Variants in NOL4L observed in about 807,000 individuals in gnomAD.
The protein encoded by NOL4L is nucleolar protein 4 like.
NOL4L carries 7 observed loss-of-function variants against 64.5 expected under a neutral mutation model. That is an observed-to-expected ratio of 0.11 (90% CI 0.06 to 0.20). NOL4L has a LOEUF of 0.20. NOL4L is among the 10% of genes least tolerant of loss of function. NOL4L has a pLI of 1.00. For missense variants in NOL4L, 680 were observed against 967.1 expected (o/e 0.70, Z 3.94); for synonymous variants, 413 against 401.0 (o/e 1.03, Z -0.36).
chr20:32,466,853 T>C (rs1317800045), intron 5 of NOL4L, among the ~76,000 whole-genome samples: 2 of 152,108 alleles, frequency 1.3e-5, no homozygotes, highest in Admixed American at 1.3e-4. Flanking sequence ...CCTCCTGCCA[T>C]GCAATACTGA....
At position 32,485,848 on chromosome 20, in the gene NOL4L, C is replaced by T. The variant is rs116557064; in HGVS notation, c.700-11106G>A. 1,986 of 449,518 alleles carry T rather than the reference C, an allele frequency of 4.4e-3. 39 individuals are homozygous for T. The highest frequency in any genetic ancestry group is 0.036 in the African/African-American group (1,777 of 49,344). 27.8% of individuals were successfully genotyped at this position (449,518 alleles called of 1,614,324 possible). On this transcript the variant is annotated intron_variant, in intron 4 of 10. Coordinates refer to ENST00000621426, the MANE Select transcript of NOL4L (RefSeq NM_001256798.2). ...CTTTGACTTCTCCTGGCCTGAATTA[C>T]TATTTCACAGCAGTGGTGGACATCT... is the stretch of plus-strand genomic sequence containing the variant.
At position 32,464,820 on chromosome 20, in the gene NOL4L, A is replaced by T. The variant is rs1278086167; in HGVS notation, c.842-8425T>A. On this transcript the variant is annotated intron_variant, in intron 5 of 10. Coordinates refer to ENST00000621426, the MANE Select transcript of NOL4L (RefSeq NM_001256798.2). This position sits in a 1 kb window ranked among gnomAD's most constrained non-coding sequence, Gnocchi z 5.6. The stretch of plus-strand genomic sequence containing the variant: ...TACTTTATTTAACCCAATATATCCA[A>T]AATAGTACCATTTCAACAAATAATT... 1 of 412,102 alleles carries T rather than the reference A, an allele frequency of 2.4e-6. No homozygotes were observed. Among genetic ancestry groups the T allele is most frequent in the African/African-American group, 2.1e-5 (1 of 48,672 alleles). 25.5% of individuals were successfully genotyped at this position (412,102 alleles called of 1,614,324 possible). A position where few individuals can be genotyped will look rare whatever the true frequency, so the allele number is the denominator to read the frequency against.
intron 2 of NOL4L, 90 bp downstream of exon 2, chr20:32,527,668 C>A: frequency 7.0e-7 from 1 of 1,435,830 alleles, no homozygotes; most frequent in Non-Finnish European, 9.3e-7. Context: ...CAGCTCCCTG[C>A]CCCGCCCCCC....
intron 1 of NOL4L, chr20:32,535,678 GT>G: frequency 1.0e-6 from 1 of 985,484 alleles, no homozygotes; most frequent in Non-Finnish European, 1.2e-6. Flanking sequence ...ATTTGAGGAT[GT>G]CATCTCCTCC....
At chr20:32,540,670 G>A (rs374354955) in intron 1 of NOL4L, among the ~76,000 whole-genome samples, 17 of 152,154 alleles carry the variant, frequency 1.1e-4, no homozygotes, top group East Asian at 7.7e-4. Flanking sequence ...TGTTGCCTCC[G>A]TTTCCCCATC....
chr20:32,483,302 GGGC>G, intron 4 of NOL4L: 1 of 939,152 alleles, frequency 1.1e-6, no homozygotes, highest in Non-Finnish European at 1.3e-6. Flanking sequence ...CGGAGAAGGG[GGGC>G]GGCGGCCCGG....
At chr20:32,521,014 G>T in intron 2 of NOL4L, 92 bp from the exon 3 acceptor site, 1 of 676,832 alleles carries the variant, frequency 1.5e-6, no homozygotes, top group Non-Finnish European at 2.4e-6. Flanking sequence ...GGTGGCAGGT[G>T]CTTCGGCTCT....
At chr20:32,456,949 G>T (rs2013596489) in intron 5 of NOL4L, among the ~76,000 whole-genome samples, 1 of 152,242 alleles carries the variant, frequency 6.6e-6, no homozygotes. Context: ...CCTCCTGTAA[G>T]CAAGCCCAGC....
At chr20:32,504,567 A>AAAAG (rs921837028) in intron 4 of NOL4L, among the ~76,000 whole-genome samples, 5 of 151,306 alleles carry the variant, frequency 3.3e-5, no homozygotes, top group Non-Finnish European at 7.4e-5. Flanking sequence ...CAAAAAAAAA[A>AAAAG]AAAGAAAGAA....
chr20:32,454,627 C>T (rs1003627686), intron 6 of NOL4L, among the ~76,000 whole-genome samples: 4 of 152,250 alleles, frequency 2.6e-5, no homozygotes, highest in Non-Finnish European at 4.4e-5. Context: ...CTCGGGGCAC[C>T]GCTCTGGGAC....
At chr20:32,495,134 G>A (rs1480010858) in intron 4 of NOL4L, among the ~76,000 whole-genome samples, 1 of 152,236 alleles carries the variant, frequency 6.6e-6, no homozygotes, top group African/African-American at 2.4e-5. Flanking sequence ...CCTCACTTGT[G>A]GACTCTGAAG....
chr20:32,475,161 C>T (rs1234879202), intron 4 of NOL4L: 1 of 985,478 alleles, frequency 1.0e-6, no homozygotes, highest in East Asian at 1.1e-4. Context: ...ATGCCCGCCA[C>T]CAGGCACTGA....
chr20:32,527,376 C>T (rs1433769353), intron 2 of NOL4L, among the ~76,000 whole-genome samples: 1 of 152,266 alleles, frequency 6.6e-6, no homozygotes, highest in East Asian at 1.9e-4. Flanking sequence ...GCCATGAAGG[C>T]ATTTGCTCCT....
chr20:32,449,358 A>G (rs1487842716), intron 10 of NOL4L, among the ~76,000 whole-genome samples: 1 of 152,204 alleles, frequency 6.6e-6, no homozygotes, highest in Non-Finnish European at 1.5e-5. Flanking sequence ...TGCTGCTATG[A>G]AGAGAGATGG....
At chr20:32,513,713 A>C in intron 3 of NOL4L, among the ~76,000 whole-genome samples, 1 of 152,122 alleles carries the variant, frequency 6.6e-6, no homozygotes, top group East Asian at 1.9e-4. Context: ...AAAGGTAAAA[A>C]TGTTAGCTGG....
At chr20:32,526,166 A>C (rs1193071904) in intron 2 of NOL4L, among the ~76,000 whole-genome samples, 5 of 152,188 alleles carry the variant, frequency 3.3e-5, no homozygotes, top group Non-Finnish European at 7.3e-5. Context: ...CTGGGATTAT[A>C]GGTGTCAACC....
intron 4 of NOL4L, among the ~76,000 whole-genome samples, chr20:32,509,130 C>A (rs1276390834): frequency 6.6e-6 from 1 of 152,216 alleles, no homozygotes; most frequent in Non-Finnish European, 1.5e-5. Flanking sequence ...TCCTTCTGCA[C>A]CATGGCAATG....
chr20:32,513,810 C>T (rs570382074), intron 3 of NOL4L, among the ~76,000 whole-genome samples: 2 of 152,130 alleles, frequency 1.3e-5, no homozygotes, highest in East Asian at 3.9e-4. Flanking sequence ...GGCAGCACTG[C>T]GATCCAGCCT....
At chr20:32,575,160 C>T (rs558005828) in intron 1 of NOL4L, among the ~76,000 whole-genome samples, 3 of 152,258 alleles carry the variant, frequency 2.0e-5, no homozygotes, top group African/African-American at 7.2e-5. Flanking sequence ...CGTGAGAACC[C>T]TCCTGTGAGC....
Sources: gnomAD v4.1 joint callset for allele counts (sites outside exome capture counted in the v4.1 genomes callset) on GRCh38, gnomAD v4.1.1 for gene constraint, Gnocchi (gnomAD v3.1) non-coding constraint, MANE v1.5 for transcripts, NCBI Gene and HGNC (gene_info 2026-07-23, HGNC 2026-07-21) for gene names.